NR1I2: variants seen among roughly 807,000 people sequenced by gnomAD.
NR1I2 encodes the protein nuclear receptor subfamily 1 group I member 2, also known as orphan nuclear receptor PAR1.
A neutral mutation model predicts 43.3 loss-of-function variants in NR1I2; 42 were observed. The ratio of observed to expected loss-of-function variants is 0.97; its 90% confidence interval spans 0.76 to 1.26. NR1I2 has a LOEUF of 1.26. Ranked by LOEUF, NR1I2 falls within the 50% of genes most tolerant of loss-of-function variation. The pLI, the probability that NR1I2 is intolerant of heterozygous loss-of-function variation, is 0.00. For synonymous variants in NR1I2, 229 were observed against 215.0 expected (o/e 1.06, Z -0.57); for missense variants, 559 against 566.7 (o/e 0.99, Z 0.14).
chr3:119,817,303 A>G lies in NR1I2; in HGVS notation c.*91A>G. The G allele has an allele frequency of 1.3e-6, 2 of 1,599,762 alleles. No homozygotes were observed. Among genetic ancestry groups the G allele is most frequent in the Non-Finnish European group, 1.7e-6 (2 of 1,177,684 alleles). ...CGGGCCAAGACAGATGGACACTGCC[A>G]AGAGCCGACAATGCCCTGCTGGCCT... On this transcript the variant is annotated 3_prime_UTR_variant, in exon 9 of 9. Transcript: ENST00000393716.
intron 2 of NR1I2, 112 bp downstream of exon 2, chr3:119,807,559 C>A: frequency 1.1e-6 from 1 of 875,940 alleles, no homozygotes; most frequent in Non-Finnish European, 1.9e-6. Flanking sequence ...TGGTGGCCCA[C>A]CCAAAGGCCT....
At chr3:119,815,912 C>G (rs1047000831) in intron 8 of NR1I2, 81 bp downstream of exon 8, 2 of 1,204,772 alleles carry the variant, frequency 1.7e-6, no homozygotes, top group Admixed American at 2.0e-5. Flanking sequence ...GACTTCATGG[C>G]CAGAGGGTGG....
In NR1I2 at chr3:119,810,088, G is replaced by C. The variant is rs766547239; in HGVS notation, c.225G>C (p.Leu75=). 20 of 1,613,802 alleles carry C rather than the reference G, an allele frequency of 1.2e-5. No individual in the cohort carries two copies. The highest frequency in any genetic ancestry group is 1.1e-4 in the East Asian group (5 of 44,870). The change falls in exon 3 of 9, where the codon CTG becomes CTC. Residue 75 remains leucine, a synonymous_variant. Transcript: ENST00000393716. ...GGGCCATGAAACGCAACGCCCGGCT[G>C]AGGTGCCCCTTCCGGAAGGGCGCCT...
intron 1 of NR1I2, chr3:119,791,803 G>T: frequency 2.1e-6 from 1 of 482,808 alleles, no homozygotes; most frequent in South Asian, 1.6e-5. Flanking sequence ...GGTGTGAGAG[G>T]GTTCAACAGA....
rs754641379 is a variant in NR1I2 at position 119,812,893 on chromosome 3, A to G, written c.727A>G (p.Met243Val). The G allele has an allele frequency of 1.9e-6, 3 of 1,614,112 alleles. No homozygotes were observed. Among genetic ancestry groups the G allele is most frequent in the South Asian group, 1.1e-5 (1 of 91,078 alleles). The change falls in exon 5 of 9, where the codon ATG becomes GTG. Residue 243 changes from methionine to valine, a missense_variant. Physicochemically the swap from Met to Val is conservative, Grantham distance 21. Coordinates refer to ENST00000393716, the MANE Select transcript of NR1I2 (RefSeq NM_003889.4). The stretch of plus-strand genomic sequence containing the variant: ...AGAGATCTTCTCCCTGCTGCCCCAC[A>G]TGGCTGACATGTCAACCTACATGTT...
At chr3:119,811,518 C>G in intron 3 of NR1I2, 21 bp from the exon 4 acceptor site, 10 of 1,596,602 alleles carry the variant, frequency 6.3e-6, no homozygotes, top group Non-Finnish European at 6.8e-6. Flanking sequence ...TGTGCCTGAG[C>G]CAGCCTCACT....
chr3:119,799,895 G>C (rs1236536506), intron 1 of NR1I2, among the ~76,000 whole-genome samples: 2 of 152,062 alleles, frequency 1.3e-5, no homozygotes, highest in Non-Finnish European at 2.9e-5. Context: ...CAGGAGAATC[G>C]CTTGAACCTG....
At position 119,795,616 on chromosome 3, in the gene NR1I2, A is replaced by C. The variant is rs146263190; in HGVS notation, c.-22-11613A>C. On this transcript the variant is annotated intron_variant, in intron 1 of 8. Coordinates refer to ENST00000393716, the MANE Select transcript of NR1I2 (RefSeq NM_003889.4). ...CCATTGCCGGTGCCTGGAAATAGTCAAGGCTGGGTTCTGTTCTTTTGCTTG... is the reference window on the plus strand; with the variant it reads ...CCATTGCCGGTGCCTGGAAATAGTCCAGGCTGGGTTCTGTTCTTTTGCTTG... 5.0e-3 allele frequency among the ~76,000 whole-genome samples: 767 copies of C among 152,188 alleles called. 5 individuals are homozygous for C. The highest frequency in any genetic ancestry group is 0.013 in the East Asian group (68 of 5,166).
chr3:119,786,506 G>GT (rs1462663574), intron 1 of NR1I2, among the ~76,000 whole-genome samples: 1 of 152,234 alleles, frequency 6.6e-6, no homozygotes, highest in Non-Finnish European at 1.5e-5. Context: ...CTGGATCTGT[G>GT]TAAGTTCCAA....
chr3:119,805,717 C>CCCCCA (rs561350711), intron 1 of NR1I2, among the ~76,000 whole-genome samples: 51 of 96,612 alleles, frequency 5.3e-4, no homozygotes, highest in Non-Finnish European at 7.3e-4. Context: ...TCCCCCCCAC[C>CCCCCA]AAAAAAAAAA....
chr3:119,797,749 G>A (rs1399192271), intron 1 of NR1I2, among the ~76,000 whole-genome samples: 1 of 152,110 alleles, frequency 6.6e-6, no homozygotes, highest in Admixed American at 6.5e-5. Context: ...GCTCCCCACT[G>A]GCTTTTGCCA....
rs1178514497 is a variant in NR1I2, at chr3:119,810,061, G to A, written c.198G>A (p.Arg66=). 3 of 1,613,732 alleles carry A rather than the reference G, an allele frequency of 1.9e-6. No homozygotes were observed. The highest frequency in any genetic ancestry group is 2.2e-5 in the East Asian group (1 of 44,866). ...CCTTCTGCTCCCCATTCTCTCACAG[G>A]AGGGCCATGAAACGCAACGCCCGGC... Residue 66 remains arginine, a splice_region_variant and synonymous_variant, in exon 3 of 9, where the codon AGG becomes AGA. Coordinates refer to ENST00000393716, the MANE Select transcript of NR1I2 (RefSeq NM_003889.4).
intron 4 of NR1I2, 74 bp downstream of exon 4, chr3:119,811,800 G>T: frequency 1.4e-6 from 2 of 1,419,402 alleles, no homozygotes; most frequent in South Asian, 2.5e-5. Flanking sequence ...GGTTCCCCAA[G>T]GATAAGAAAC....
intron 3 of NR1I2, 30 bp downstream of exon 3, chr3:119,810,224 G>C: frequency 1.3e-6 from 2 of 1,567,672 alleles, no homozygotes; most frequent in East Asian, 2.4e-5. Flanking sequence ...GCGGGCCGGC[G>C]CCGGGGTGCA....
intron 1 of NR1I2, among the ~76,000 whole-genome samples, chr3:119,784,069 G>A (rs2054813293): frequency 6.6e-6 from 1 of 152,162 alleles, no homozygotes; most frequent in South Asian, 2.1e-4. Context: ...TATTGCACTA[G>A]AGGAACTACT....
chr3:119,804,991 T>C (rs2055131922), intron 1 of NR1I2, among the ~76,000 whole-genome samples: 1 of 152,222 alleles, frequency 6.6e-6, no homozygotes, highest in Non-Finnish European at 1.5e-5. Context: ...AGAACCTTAG[T>C]TACTGCATCC....
At position 119,815,535 on chromosome 3, in the gene NR1I2, C is replaced by T. The variant is rs1013801189; in HGVS notation, c.1054+96C>T. On this transcript the variant is annotated intron_variant, in intron 7 of 8. Transcript: ENST00000393716. ...CTATGGCCTTGCTCCTCATTCACTG[C>T]GCAGCCAGGATGGGGGCTCTCGCTG... 1.5e-4 allele frequency: 173 copies of T among 1,157,496 alleles called. No homozygotes were observed. In the African/African-American group the frequency reaches 1.6e-3, roughly 11 times the overall value. 71.7% of individuals were successfully genotyped at this position (1,157,496 alleles called of 1,614,324 possible). A position where few individuals can be genotyped will look rare whatever the true frequency, so the allele number is the denominator to read the frequency against.
At chr3:119,807,956 C>T (rs2055185033) in intron 2 of NR1I2, among the ~76,000 whole-genome samples, 1 of 152,204 alleles carries the variant, frequency 6.6e-6, no homozygotes, top group Non-Finnish European at 1.5e-5. Flanking sequence ...GTGGGACCCT[C>T]ATGCATTCCC....
At chr3:119,799,596 C>T (rs568562032) in intron 1 of NR1I2, among the ~76,000 whole-genome samples, 3 of 151,272 alleles carry the variant, frequency 2.0e-5, no homozygotes, top group Admixed American at 2.0e-4. Context: ...CAAACACAAA[C>T]AAAAAAAAAC....
Sources: allele counts gnomAD v4.1 joint callset (sites outside exome capture counted in the v4.1 genomes callset), GRCh38; gene constraint gnomAD v4.1.1; transcripts MANE v1.5; gene names NCBI Gene and HGNC (gene_info 2026-07-23, HGNC 2026-07-21).